The following SPHKAP variants were observed in gnomAD, a reference collection of about 807,000 sequenced individuals.
SPHKAP encodes the protein A-kinase anchor protein SPHKAP.
Under a neutral mutation model 137.5 loss-of-function variants are expected in SPHKAP, and 67 were observed. That is an observed-to-expected ratio of 0.49 (90% CI 0.40 to 0.60). SPHKAP has a LOEUF of 0.60. SPHKAP is among the 20% of genes least tolerant of loss of function. SPHKAP has a pLI of 0.00. For missense variants in SPHKAP, 2,097 were observed against 2,069.3 expected, an observed-to-expected ratio of 1.01 and a Z score of -0.26; for synonymous variants, 813 against 785.3, an observed-to-expected ratio of 1.04 and a Z score of -0.59.
intron 3 of SPHKAP, among the ~76,000 whole-genome samples, chr2:228,067,984 T>G (rs1696881393): frequency 6.6e-6 from 1 of 152,124 alleles, no homozygotes; most frequent in Non-Finnish European, 1.5e-5. Flanking sequence ...TATAAAAACC[T>G]AAAGACTCCA....
At position 228,019,797 on chromosome 2, in the gene SPHKAP, C is replaced by T. The variant is rs2106216380; in HGVS notation, c.1057G>A (p.Val353Ile). The T allele has an allele frequency of 6.2e-7, 1 of 1,614,044 alleles. No individual in the cohort carries two copies. The highest frequency in any genetic ancestry group is 8.5e-7 in the Non-Finnish European group (1 of 1,179,986). Residue 353 changes from valine to isoleucine, a missense_variant, in exon 7 of 12, where the codon GTA becomes ATA. By Grantham distance (29) the Val-to-Ile change is conservative. Transcript: ENST00000392056. ...DAYFSMMDKD[V>I]PSACAVAEQR... is the part of the protein sequence containing the mutation. Reference sequence around the variant, plus strand: ...TCTGCCACAGCACATGCAGAAGGTACATCTTTATCCATCATGGAGAAATAA... The same window carrying T: ...TCTGCCACAGCACATGCAGAAGGTATATCTTTATCCATCATGGAGAAATAA...
rs544071852 is a variant in SPHKAP, at chr2:228,171,163, G to A, written c.32+10404C>T. On this transcript the variant is annotated intron_variant, in intron 1 of 11. Transcript: ENST00000392056. Reference sequence around the variant, plus strand: ...TTTTCTGTACCAGAACATTTCAAGTGCTTCCAATTTTGTTTTGGAGATTTA... The same window carrying A: ...TTTTCTGTACCAGAACATTTCAAGTACTTCCAATTTTGTTTTGGAGATTTA... 7.9e-4 allele frequency among the ~76,000 whole-genome samples: 120 copies of A among 152,234 alleles called. 3 individuals are homozygous for A. Among genetic ancestry groups the A allele is most frequent in the Admixed American group, 4.8e-3 (74 of 15,278 alleles).
chr2:228,110,732 A>G (rs1046516442), intron 2 of SPHKAP, among the ~76,000 whole-genome samples: 69 of 152,332 alleles, frequency 4.5e-4, no homozygotes, highest in African/African-American at 1.7e-3. Context: ...GGCAGCTAGG[A>G]CAGCTCAGCT....
chr2:228,055,139 CTCCA>C (rs1696391390), intron 3 of SPHKAP, among the ~76,000 whole-genome samples: 1 of 2,572 alleles, frequency 3.9e-4, no homozygotes. Context: ...TGAAACTCCA[CTCCA>C]AAAAAAAAAA....
At position 228,181,568 on chromosome 2, in the gene SPHKAP, T is replaced by C; in HGVS notation, c.31A>G (p.Ser11Gly). The C allele has an allele frequency of 6.2e-7, 1 of 1,614,092 alleles. No homozygotes were observed. The highest frequency in any genetic ancestry group is 8.5e-7 in the Non-Finnish European group (1 of 1,179,996). The change falls in exon 1 of 12, where the codon AGC becomes GGC. Residue 11 changes from serine to glycine, a missense_variant and splice_region_variant. Physicochemically the swap from Ser to Gly is moderately conservative, Grantham distance 56 (BLOSUM62 0). Transcript: ENST00000392056. The surrounding 1 kb of genome is among the most constrained non-coding windows in gnomAD (Gnocchi z 4.3). MDGNSLLSVP[S>G]NLESSRMYDV... is the part of the protein sequence containing the mutation. ...GGCATAGAAAGAAGCGGGTCTTACC[T>C]TGGTACCGAGAGCAGGGAGTTGCCA... is the stretch of plus-strand genomic sequence containing the variant.
At chr2:228,002,789 T>C (rs1559340629) in intron 7 of SPHKAP, among the ~76,000 whole-genome samples, 1 of 152,220 alleles carries the variant, frequency 6.6e-6, no homozygotes, top group Admixed American at 6.5e-5. Flanking sequence ...TACATATGGC[T>C]AGCCAGTTTT....
At chr2:228,077,887 G>A (rs11893281) in intron 3 of SPHKAP, among the ~76,000 whole-genome samples, 2,058 of 152,308 alleles carry the variant, frequency 0.014, 58 homozygotes, top group African/African-American at 0.046. Flanking sequence ...ATTCCCACGT[G>A]TTGTGGGAGG....
intron 3 of SPHKAP, among the ~76,000 whole-genome samples, chr2:228,108,444 G>A (rs1242307790): frequency 6.6e-6 from 1 of 151,916 alleles, no homozygotes; most frequent in African/African-American, 2.4e-5. Context: ...TAAGAATGAT[G>A]GAACATTTGT....
intron 1 of SPHKAP, among the ~76,000 whole-genome samples, chr2:228,174,597 C>T (rs1317845187): frequency 1.3e-5 from 2 of 152,150 alleles, no homozygotes; most frequent in African/African-American, 4.8e-5. Context: ...ACGCTGACTT[C>T]CAGTTTCCAT....
chr2:228,090,347 T>C (rs1237664092), intron 3 of SPHKAP, among the ~76,000 whole-genome samples: 1 of 152,236 alleles, frequency 6.6e-6, no homozygotes, highest in Non-Finnish European at 1.5e-5. Flanking sequence ...TTACCCAATG[T>C]CTGTACCTCC....
intron 7 of SPHKAP, among the ~76,000 whole-genome samples, chr2:228,008,966 G>A (rs890910471): frequency 6.6e-6 from 1 of 151,940 alleles, no homozygotes; most frequent in Non-Finnish European, 1.5e-5. Flanking sequence ...TGGTCTTTTG[G>A]TCTCCATACA....
intron 11 of SPHKAP, among the ~76,000 whole-genome samples, chr2:227,985,206 T>A (rs1335625280): frequency 6.6e-6 from 1 of 152,098 alleles, no homozygotes. Context: ...AATTTCTAAG[T>A]CCAGGCTGAT....
chr2:228,142,843 AC>A (rs1428982290), intron 1 of SPHKAP, among the ~76,000 whole-genome samples: 2 of 152,080 alleles, frequency 1.3e-5, no homozygotes, highest in African/African-American at 4.8e-5. Context: ...GTACCCCCTA[AC>A]CTAAAATAAA....
At chr2:228,082,168 G>C (rs1017051682) in intron 3 of SPHKAP, among the ~76,000 whole-genome samples, 2 of 152,132 alleles carry the variant, frequency 1.3e-5, no homozygotes, top group African/African-American at 2.4e-5. Context: ...TGCTTTTCTA[G>C]AAAATCAAGG....
chr2:227,986,560 AC>A (rs1194561667), intron 11 of SPHKAP, among the ~76,000 whole-genome samples: 6 of 152,170 alleles, frequency 3.9e-5, no homozygotes, highest in African/African-American at 1.4e-4. Context: ...TTCCCCAAAA[AC>A]CTATGGAAGT....
intron 7 of SPHKAP, among the ~76,000 whole-genome samples, chr2:228,007,855 A>C (rs1462908194): frequency 6.6e-6 from 1 of 152,170 alleles, no homozygotes; most frequent in Non-Finnish European, 1.5e-5. Flanking sequence ...CTGGATAGCC[A>C]CATAGAGAAG....
At chr2:228,120,285 G>A (rs1698864828) in intron 2 of SPHKAP, among the ~76,000 whole-genome samples, 1 of 152,138 alleles carries the variant, frequency 6.6e-6, no homozygotes, top group East Asian at 1.9e-4. Flanking sequence ...TTTTCTAGTA[G>A]GAGAGTCCTT....
At chr2:227,983,236 A>G (rs1371629724) in intron 11 of SPHKAP, among the ~76,000 whole-genome samples, 2 of 152,218 alleles carry the variant, frequency 1.3e-5, no homozygotes, top group Non-Finnish European at 2.9e-5. Context: ...AAGTTGTCTC[A>G]TAGAGATCCG....
chr2:227,983,529 C>T (rs932809602), intron 11 of SPHKAP, among the ~76,000 whole-genome samples: 1 of 151,986 alleles, frequency 6.6e-6, no homozygotes, highest in African/African-American at 2.4e-5. Flanking sequence ...TTTCATATCT[C>T]GTGCCTGCAC....
Sources: gnomAD v4.1 joint callset for allele counts (sites outside exome capture counted in the v4.1 genomes callset) on GRCh38, gnomAD v4.1.1 for gene constraint, Gnocchi (gnomAD v3.1) non-coding constraint, MANE v1.5 for transcripts, NCBI Gene and HGNC (gene_info 2026-07-23, HGNC 2026-07-21) for gene names.